TASOR2: variants seen among roughly 807,000 people sequenced by gnomAD.
The protein encoded by TASOR2 is protein TASOR 2.
In TASOR2, 84 loss-of-function variants were observed where a neutral mutation model predicts 199.5. The ratio of observed to expected loss-of-function variants is 0.42; its 90% CI spans 0.35 to 0.50. TASOR2 has a LOEUF of 0.50. TASOR2 is among the 20% of genes least tolerant of loss of function. The probability of loss-of-function intolerance (pLI) is 0.02; values close to 1 mark genes in which losing one functional copy is unlikely to be tolerated. For synonymous variants in TASOR2, 1,103 were observed against 1,046.6 expected, an observed-to-expected ratio of 1.05 and a Z score of -1.04; for missense variants, 2,796 against 2,835.9, an observed-to-expected ratio of 0.99 and a Z score of 0.32.
Position 5,762,513 on chromosome 10 carries a change from T to G in TASOR2, c.7175-19T>G. The G allele has an allele frequency of 1.9e-6, 1 of 538,668 alleles. No homozygotes were observed. Among genetic ancestry groups the G allele is most frequent in the Non-Finnish European group, 2.9e-6 (1 of 345,374 alleles). 33.4% of individuals were successfully genotyped at this position (538,668 alleles called of 1,614,324 possible). A position where few individuals can be genotyped will look rare whatever the true frequency, so the allele number is the denominator to read the frequency against. On this transcript the variant is annotated intron_variant, in intron 19 of 20. Transcript: ENST00000328090. The stretch of plus-strand genomic sequence containing the variant: ...ATTAATTATATTAACCAAAAGTTGT[T>G]TTTTTTTTTTTTTAACAGACAAGCC...
In TASOR2 at chr10:5,756,702, C is replaced by G. The variant is rs370748776; in HGVS notation, c.6696C>G (p.Ile2232Met). 3 of 1,613,104 alleles carry G rather than the reference C, an allele frequency of 1.9e-6. No individual in the cohort carries two copies. In the African/African-American group the frequency reaches 4.0e-5, roughly 22 times the overall value. ...GAGAGAATGATACACTAATCATCATCATCAGAAATGAAGATATATCATCAC... is the reference window on the plus strand; with the variant it reads ...GAGAGAATGATACACTAATCATCATGATCAGAAATGAAGATATATCATCAC... The change falls in exon 16 of 21, where the codon ATC becomes ATG. Residue 2232 changes from isoleucine to methionine, a missense_variant. By Grantham distance (10) the Ile-to-Met change is conservative. Transcript: ENST00000328090.
chr10:5,695,497 G>A (rs920552842), intron 1 of TASOR2, among the ~76,000 whole-genome samples: 6 of 152,098 alleles, frequency 3.9e-5, no homozygotes, highest in African/African-American at 1.4e-4. Flanking sequence ...GTAAAATGAG[G>A]TCTTCATAAT....
At position 5,710,762 on chromosome 10, in the gene TASOR2, G is replaced by A. The variant is rs1831806709; in HGVS notation, c.-287-2061G>A. On this transcript the variant is annotated intron_variant, in intron 1 of 20. Transcript: ENST00000328090. This position sits in a 1 kb window ranked among gnomAD's most constrained non-coding sequence, Gnocchi z 4.6. The stretch of plus-strand genomic sequence containing the variant: ...AAATATTTCTTTCAGTGTAAACAAT[G>A]TGTTTCTCAAATATTGGTCTATAGG... 6.6e-6 allele frequency among the ~76,000 whole-genome samples: 1 copy of A among 152,004 alleles called. No homozygotes were observed. Among genetic ancestry groups the A allele is most frequent in the African/African-American group, 2.4e-5 (1 of 41,414 alleles).
chr10:5,732,957 AC>A (rs1835035857), intron 11 of TASOR2, among the ~76,000 whole-genome samples: 1 of 152,210 alleles, frequency 6.6e-6, no homozygotes, highest in Non-Finnish European at 1.5e-5. Context: ...AAAGCAGTGC[AC>A]CAGACTATAC....
Position 5,748,688 on chromosome 10 carries a change from C to A in TASOR2, c.5267C>A (p.Pro1756His). The change falls in exon 15 of 21, where the codon CCC becomes CAC. Residue 1756 changes from proline (P) to histidine (H), a missense_variant. This residue lies in a region of TASOR2 where 1,941 missense variants were observed against 1,924.9 expected (regional missense o/e 1.01). Coordinates refer to ENST00000328090, the Ensembl canonical transcript of TASOR2. The surrounding 1 kb of genome is among the most constrained non-coding windows in gnomAD (Gnocchi z 5.1). The stretch of plus-strand genomic sequence containing the variant: ...GGGGTTTCCTCCCTTTGTGCTGGTC[C>A]CTACCAAAATACAGCAGACACCAAG... 1 of 1,614,178 alleles carries A rather than the reference C, an allele frequency of 6.2e-7. No individual in the cohort carries two copies. The highest frequency in any genetic ancestry group is 8.5e-7 in the Non-Finnish European group (1 of 1,180,044).
intron 3 of TASOR2, among the ~76,000 whole-genome samples, chr10:5,718,969 C>T (rs916052043): frequency 6.6e-6 from 1 of 152,146 alleles, no homozygotes; most frequent in Non-Finnish European, 1.5e-5. Context: ...GTTTTGGCCT[C>T]TGTGCTCTCA....
At chr10:5,735,509 C>T (rs771780398) in exon 12 of TASOR2, 1 of 1,613,850 alleles carries the variant, frequency 6.2e-7, no homozygotes, top group Non-Finnish European at 8.5e-7. Flanking sequence ...TAGTAAAAGG[C>T]AATGAGAACC....
At chr10:5,695,405 A>G (rs1390629654) in intron 1 of TASOR2, among the ~76,000 whole-genome samples, 1 of 152,244 alleles carries the variant, frequency 6.6e-6, no homozygotes, top group Non-Finnish European at 1.5e-5. Context: ...ACTATTGAGT[A>G]CATACATATA....
At chr10:5,749,624 C>T in exon 15 of TASOR2, 1 of 1,614,172 alleles carries the variant, frequency 6.2e-7, no homozygotes, top group Non-Finnish European at 8.5e-7. Context: ...AGCTCTTCCT[C>T]TTGGAGAGAG....
intron 18 of TASOR2, 134 bp downstream of exon 19, chr10:5,759,126 CTG>C: frequency 1.6e-6 from 1 of 637,272 alleles, no homozygotes; most frequent in East Asian, 2.7e-5. Context: ...GCTGCTGGCT[CTG>C]TATTCAATGA....
At position 5,698,246 on chromosome 10, in the gene TASOR2, A is replaced by C. The variant is rs1433548240; in HGVS notation, c.-288+13071A>C. ...TTTCTATCTGTGCCATTTCCATGAG[A>C]AAAACATGTCTCTGCTAGCTCATTG... On this transcript the variant is annotated intron_variant, in intron 1 of 20. Coordinates refer to ENST00000328090, the Ensembl canonical transcript of TASOR2. This position sits in a 1 kb window ranked among gnomAD's most constrained non-coding sequence, Gnocchi z 4.4. 6.6e-6 allele frequency among the ~76,000 whole-genome samples: 1 copy of C among 152,328 alleles called. No homozygotes were observed. Among genetic ancestry groups the C allele is most frequent in the East Asian group, 1.9e-4 (1 of 5,188 alleles).
chr10:5,723,550 A>G, intron 6 of TASOR2, 127 bp from the exon 8 acceptor site: 1 of 509,272 alleles, frequency 2.0e-6, no homozygotes, highest in East Asian at 3.1e-5. Flanking sequence ...TTTAACCTGG[A>G]GCTTATCAAC....
chr10:5,739,512 C>A, intron 12 of TASOR2, 106 bp from the exon 14 acceptor site: 1 of 1,067,124 alleles, frequency 9.4e-7, no homozygotes, highest in Non-Finnish European at 1.3e-6. Context: ...ATATATGTTA[C>A]ATAAGTTTTT....
At chr10:5,729,279 C>T (rs932268988) in intron 10 of TASOR2, among the ~76,000 whole-genome samples, 1 of 152,080 alleles carries the variant, frequency 6.6e-6, no homozygotes, top group South Asian at 2.1e-4. Context: ...ACCCAGGAGG[C>T]GGAGGTTGCA....
rs1159051967 is a variant in TASOR2, at chr10:5,750,648, C to T, written c.6606+621C>T. Among the ~76,000 whole-genome samples the T allele has an allele frequency of 1.3e-5, 2 of 152,178 alleles. No individual in the cohort carries two copies. Among genetic ancestry groups the T allele is most frequent in the Admixed American group, 6.5e-5 (1 of 15,282 alleles). On this transcript the variant is annotated intron_variant, in intron 15 of 20. Coordinates refer to ENST00000328090, the Ensembl canonical transcript of TASOR2. This position sits in a 1 kb window ranked among gnomAD's most constrained non-coding sequence, Gnocchi z 5.4. The stretch of plus-strand genomic sequence containing the variant: ...TTAATTGTTTTTAATTTCAAATTTA[C>T]ATAAAGGTTGCAGAAATAGTACCCT...
rs1836139376 is a variant in TASOR2, at chr10:5,689,162, A to G, written c.-288+3987A>G. 6.6e-6 allele frequency among the ~76,000 whole-genome samples: 1 copy of G among 152,214 alleles called. No homozygotes were observed. The highest frequency in any genetic ancestry group is 1.5e-5 in the Non-Finnish European group (1 of 68,038). On this transcript the variant is annotated intron_variant, in intron 1 of 20. Coordinates refer to ENST00000328090, the Ensembl canonical transcript of TASOR2. The surrounding 1 kb of genome is among the most constrained non-coding windows in gnomAD (Gnocchi z 4.1). ...GCAATTGTTTTCTTTTAACATGCTG[A>G]AGCTCTTATTCCTCTGTCTTTTGGC...
Position 5,754,939 on chromosome 10 carries a change from G to A in TASOR2, c.6607-1674G>A, listed in dbSNP as rs1445135924. Among the ~76,000 whole-genome samples, 1 of 151,064 alleles carries A rather than the reference G, an allele frequency of 6.6e-6. No homozygotes were observed. Among genetic ancestry groups the A allele is most frequent in the Non-Finnish European group, 1.5e-5 (1 of 67,778 alleles). On this transcript the variant is annotated intron_variant, in intron 15 of 20. Coordinates refer to ENST00000328090, the Ensembl canonical transcript of TASOR2. This position sits in a 1 kb window ranked among gnomAD's most constrained non-coding sequence, Gnocchi z 4.3. ...CGGGTGCCTGTAGTCCCAGCTACTC[G>A]GGAGGCTGAGGCAGGAGAATGGCGT...
rs1202668903 is a variant in TASOR2, at chr10:5,740,541, G to C, written c.2327+44G>C. ...TAGTGAAAATGGATGAAACTTTTCT[G>C]TTGAGATGAATGTAGTGAGATGGGG... is the stretch of plus-strand genomic sequence containing the variant. On this transcript the variant is annotated intron_variant, in intron 13 of 20. Transcript: ENST00000328090. This position sits in a 1 kb window ranked among gnomAD's most constrained non-coding sequence, Gnocchi z 5.3. 2 of 1,575,990 alleles carry C rather than the reference G, an allele frequency of 1.3e-6. No homozygotes were observed. The highest frequency in any genetic ancestry group is 2.3e-5 in the South Asian group (2 of 87,196).
chr10:5,731,342 A>G, intron 11 of TASOR2, 139 bp downstream of exon 12: 1 of 732,670 alleles, frequency 1.4e-6, no homozygotes, highest in Non-Finnish European at 2.2e-6. Flanking sequence ...CAGTCTGACC[A>G]ATACGGTGAC....
Sources: gnomAD v4.1 joint callset for allele counts (sites outside exome capture counted in the v4.1 genomes callset) on GRCh38, gnomAD v4.1.1 for gene constraint, gnomAD v4.1.1 regional missense constraint, Gnocchi (gnomAD v3.1) non-coding constraint, MANE v1.5 for transcripts, NCBI Gene and HGNC (gene_info 2026-07-23, HGNC 2026-07-21) for gene names.